The following C2CD3 variants were observed in gnomAD, a reference collection of about 807,000 sequenced individuals.
C2CD3 encodes C2 domain containing 3 centriole elongation regulator.
In C2CD3, 148 loss-of-function variants were observed where a neutral mutation model predicts 234.0. The observed-to-expected ratio is 0.63, with a 90% CI of 0.55 to 0.72. The LOEUF (loss-of-function observed/expected upper bound fraction) is 0.72. Among genes scored for constraint, C2CD3 ranks in the 30% least tolerant of loss-of-function variants. The pLI, the probability that C2CD3 is intolerant of heterozygous loss-of-function variation, is 0.00. For missense variants in C2CD3, 2,577 were observed against 2,811.5 expected (o/e 0.92, Z 1.89); for synonymous variants, 1,000 against 1,035.4 (o/e 0.97, Z 0.66).
At chr11:74,025,535 C>A (rs1173488162) in intron 32 of C2CD3, among the ~76,000 whole-genome samples, 1 of 152,042 alleles carries the variant, frequency 6.6e-6, no homozygotes, top group African/African-American at 2.4e-5. Context: ...GGCAAAAACA[C>A]AAAAGCAGGA....
chr11:74,050,864 A>G (rs1953647012), intron 26 of C2CD3, among the ~76,000 whole-genome samples: 2 of 151,542 alleles, frequency 1.3e-5, no homozygotes, highest in African/African-American at 2.4e-5. Flanking sequence ...AAACTGGCCA[A>G]CCTAGAGTGG....
intron 20 of C2CD3, among the ~76,000 whole-genome samples, chr11:74,089,474 T>C (rs557137087): frequency 1.3e-4 from 20 of 152,220 alleles, no homozygotes; most frequent in Non-Finnish European, 2.6e-4. Flanking sequence ...CAATATTAAC[T>C]ACACTGAGTA....
chr11:74,049,590 C>T (rs1362967425), intron 26 of C2CD3, 48 bp from the exon 27 acceptor site: 7 of 1,466,332 alleles, frequency 4.8e-6, no homozygotes, highest in Non-Finnish European at 6.6e-6. Context: ...GCATGTCCTG[C>T]CACTGAGATT....
intron 30 of C2CD3, among the ~76,000 whole-genome samples, chr11:74,035,628 T>C (rs1436158102): frequency 1.3e-5 from 2 of 152,064 alleles, no homozygotes; most frequent in Admixed American, 6.5e-5. Context: ...GTTTCACTCA[T>C]ATCCATTTGT....
chr11:74,071,151 C>G (rs1210536415), intron 24 of C2CD3, among the ~76,000 whole-genome samples: 1 of 152,222 alleles, frequency 6.6e-6, no homozygotes, highest in Non-Finnish European at 1.5e-5. Flanking sequence ...TATCCCAGCA[C>G]TGTGATCTTC....
intron 22 of C2CD3, 150 bp downstream of exon 22, chr11:74,084,730 AC>A: frequency 2.1e-6 from 1 of 480,406 alleles, no homozygotes; most frequent in Non-Finnish European, 3.8e-6. Flanking sequence ...GTTTCAAAAA[AC>A]ATTTGAGGTA....
Position 74,042,040 on chromosome 11 carries a change from C to T in C2CD3, c.5660+14G>A, listed in dbSNP as rs886402878. 1.9e-6 allele frequency: 3 copies of T among 1,613,150 alleles called. No homozygotes were observed. Among genetic ancestry groups the T allele is most frequent in the Middle Eastern group, 1.7e-4 (1 of 6,034 alleles). On this transcript the variant is annotated intron_variant, in intron 29 of 32. Transcript: ENST00000334126. Reference sequence around the variant, plus strand: ...CACTATGGTTTCCTGTGTCTTTTCTCAGTAGAGCCTCACCTGAGAGAAGTC... The same window carrying T: ...CACTATGGTTTCCTGTGTCTTTTCTTAGTAGAGCCTCACCTGAGAGAAGTC...
chr11:74,016,069 C>T (rs146665391), intron 32 of C2CD3, among the ~76,000 whole-genome samples: 1,599 of 152,106 alleles, frequency 0.011, 33 homozygotes, highest in Non-Finnish European at 0.012. Flanking sequence ...AGAGGAAGAC[C>T]CTGTCTCAAA....
In C2CD3 at chr11:74,089,348, C is replaced by G. The variant is rs184599186; in HGVS notation, c.3641+1465G>C. Among the ~76,000 whole-genome samples the G allele has an allele frequency of 5.3e-5, 8 of 152,146 alleles. No individual in the cohort carries two copies. In the East Asian group the frequency reaches 1.5e-3, roughly 29 times the overall value. On this transcript the variant is annotated intron_variant, in intron 20 of 32. Transcript: ENST00000334126. ...CAAACAAACGAAACACACCAAAAAC[C>G]AAAACAAACATAAAAACAAAACCCA...
At chr11:74,133,353 A>C (rs1159956910) in intron 6 of C2CD3, 72 bp downstream of exon 6, 14 of 1,386,214 alleles carry the variant, frequency 1.0e-5, no homozygotes, top group Non-Finnish European at 2.0e-6. Context: ...CTAGTCCATA[A>C]CTTGACAAAA....
intron 24 of C2CD3, among the ~76,000 whole-genome samples, 176 bp downstream of exon 24, chr11:74,074,077 T>C (rs1954919464): frequency 6.6e-6 from 1 of 152,240 alleles, no homozygotes; most frequent in Non-Finnish European, 1.5e-5. Flanking sequence ...CTGGGGAATT[T>C]ACGATATGCA....
intron 3 of C2CD3, among the ~76,000 whole-genome samples, chr11:74,160,732 A>T (rs1856400061): frequency 6.6e-6 from 1 of 152,208 alleles, no homozygotes; most frequent in South Asian, 2.1e-4. Flanking sequence ...GCCAGAAGAG[A>T]GGACTGTGAA....
Position 74,151,305 on chromosome 11 carries a change from C to CTTTATTTATTTATTTATTTA in C2CD3, c.483+10074_483+10093dup, listed in dbSNP as rs202206182. Among the ~76,000 whole-genome samples, 343 of 133,408 alleles carry CTTTATTTATTTATTTATTTA rather than the reference C, an allele frequency of 2.6e-3. 1 individual carries two copies. Among genetic ancestry groups the CTTTATTTATTTATTTATTTA allele is most frequent in the African/African-American group, 8.6e-3 (321 of 37,272 alleles). 87.5% of individuals were successfully genotyped at this position (133,408 alleles called of 152,430 possible). A position where few individuals can be genotyped will look rare whatever the true frequency, so the allele number is the denominator to read the frequency against. ...AAATTGCCTGTAAGCATCCAACACT[C>CTTTATTTATTTATTTATTTA]TTTATTTATTTATTTATTTATTTAT... On this transcript the variant is annotated intron_variant, in intron 3 of 32. Transcript: ENST00000334126.
At chr11:74,081,857 G>A (rs1443938401) in intron 22 of C2CD3, among the ~76,000 whole-genome samples, 1 of 152,150 alleles carries the variant, frequency 6.6e-6, no homozygotes, top group African/African-American at 2.4e-5. Flanking sequence ...TGCTGAAGTT[G>A]CTTATCAGCT....
At chr11:74,116,841 T>TAC (rs750803693) in intron 9 of C2CD3, among the ~76,000 whole-genome samples, 12 of 142,524 alleles carry the variant, frequency 8.4e-5, no homozygotes, top group African/African-American at 2.1e-4. Flanking sequence ...TGTGTATATA[T>TAC]ACACGTGTAT....
chr11:74,066,872 A>G (rs577011930), intron 24 of C2CD3, among the ~76,000 whole-genome samples: 1 of 152,098 alleles, frequency 6.6e-6, no homozygotes, highest in African/African-American at 2.4e-5. Context: ...TAAACATTAA[A>G]CTCAGAGAAG....
rs748358111 is a variant in C2CD3, at chr11:74,106,451, T to C, written c.2005A>G (p.Ile669Val). ...GSVSLSLRAV[I>V]QSELLSFSDQ... ...CTGAAAGAAAGCAGCTCTGATTGAA[T>C]GACAGCTCGCAAAGAAAGTGACACA... Residue 669 changes from isoleucine to valine, a missense_variant, in exon 13 of 33, where the codon ATT becomes GTT. Transcript: ENST00000334126. 5 of 1,613,912 alleles carry C rather than the reference T, an allele frequency of 3.1e-6. No homozygotes were observed. Among genetic ancestry groups the C allele is most frequent in the East Asian group, 4.5e-5 (2 of 44,884 alleles).
intron 3 of C2CD3, chr11:74,142,028 CA>C: frequency 6.5e-6 from 1 of 152,762 alleles, no homozygotes; most frequent in Non-Finnish European, 1.5e-5. Context: ...TCCTCCCCCA[CA>C]AAAACACCCT....
chr11:74,123,612 C>T (rs951261209), intron 7 of C2CD3, among the ~76,000 whole-genome samples: 4 of 151,390 alleles, frequency 2.6e-5, no homozygotes, highest in African/African-American at 9.7e-5. Context: ...AGTTCTATAT[C>T]GAATACAAAA....
Sources: gnomAD v4.1 joint callset for allele counts (sites outside exome capture counted in the v4.1 genomes callset) on GRCh38, gnomAD v4.1.1 for gene constraint, MANE v1.5 for transcripts, NCBI Gene and HGNC (gene_info 2026-07-23, HGNC 2026-07-21) for gene names.